Variants in TRIM33 observed in about 807,000 individuals in gnomAD.
TRIM33 encodes tripartite motif containing 33, also known as E3 ubiquitin-protein ligase TRIM33.
TRIM33 carries 20 observed loss-of-function variants against 125.4 expected under a neutral mutation model. The ratio of observed to expected loss-of-function variants is 0.16; its 90% CI spans 0.11 to 0.23. TRIM33 has a LOEUF of 0.23. Among genes scored for constraint, TRIM33 ranks in the 10% least tolerant of loss-of-function variants. The pLI is 1.00. For missense variants in TRIM33, 920 were observed against 1,411.4 expected, an observed-to-expected ratio of 0.65 and a Z score of 5.58; for synonymous variants, 564 against 513.9, an observed-to-expected ratio of 1.10 and a Z score of -1.32.
chr1:114,430,716 C>G, intron 6 of TRIM33, 82 bp downstream of exon 6: 1 of 809,986 alleles, frequency 1.2e-6, no homozygotes, highest in Non-Finnish European at 2.1e-6. Flanking sequence ...CCCAATCCAT[C>G]TAAAATAGTT....
intron 11 of TRIM33, among the ~76,000 whole-genome samples, chr1:114,413,628 TA>T (rs34538412): frequency 0.012 from 593 of 50,860 alleles, 7 homozygotes; most frequent in African/African-American, 0.03. Context: ...AGCAAAACTG[TA>T]AAAAAAAAAA....
chr1:114,496,076 T>C (rs1412449070), intron 1 of TRIM33, among the ~76,000 whole-genome samples: 2 of 152,230 alleles, frequency 1.3e-5, no homozygotes, highest in African/African-American at 4.8e-5. Context: ...AGTGCTCTTA[T>C]TACTTTCAAT....
rs1553220465 is a variant in TRIM33, at chr1:114,481,639, A to ATATGTGTGTG, written c.527-17252_527-17251insCACACACATA. On this transcript the variant is annotated intron_variant, in intron 1 of 19. Transcript: ENST00000358465. ...AAAAAAGAAAAAAAACTATATATAT[A>ATATGTGTGTG]TGTGTGTGTGTGTGTGTGTGTGTAT... 1.2e-3 allele frequency among the ~76,000 whole-genome samples: 174 copies of ATATGTGTGTG among 142,414 alleles called. 2 individuals carry two copies. Among genetic ancestry groups the ATATGTGTGTG allele is most frequent in the African/African-American group, 4.3e-3 (163 of 38,044 alleles). The allele number at this position is 142,414 out of a possible 152,430, so 93.4% of individuals were successfully genotyped here.
At chr1:114,422,535 T>G (rs1275831793) in intron 10 of TRIM33, among the ~76,000 whole-genome samples, 1 of 152,148 alleles carries the variant, frequency 6.6e-6, no homozygotes, top group Non-Finnish European at 1.5e-5. Flanking sequence ...TGCCATGCTC[T>G]GCTGGATCTC....
Position 114,437,483 on chromosome 1 carries a change from C to A in TRIM33, c.924-3750G>T, listed in dbSNP as rs114697577. On this transcript the variant is annotated intron_variant, in intron 4 of 19. Coordinates refer to ENST00000358465, the MANE Select transcript of TRIM33 (RefSeq NM_015906.4). The stretch of plus-strand genomic sequence containing the variant: ...CCTCCCGAGTACATAGGACTACAGG[C>A]ATGAGTCACGACACCCAGCTAATTT... Among the ~76,000 whole-genome samples, 1,038 of 152,242 alleles carry A rather than the reference C, an allele frequency of 6.8e-3. 13 individuals carry two copies. Among genetic ancestry groups the A allele is most frequent in the African/African-American group, 0.024 (981 of 41,524 alleles).
At chr1:114,407,596 A>G (rs1194115250) in intron 13 of TRIM33, among the ~76,000 whole-genome samples, 1 of 152,210 alleles carries the variant, frequency 6.6e-6, no homozygotes, top group African/African-American at 2.4e-5. Context: ...AAGCTTAAAA[A>G]AGACTGCTGT....
rs542022315 is a variant in TRIM33 at position 114,402,578 on chromosome 1, G to C, written c.2892+182C>G. Among the ~76,000 whole-genome samples, 22 of 152,102 alleles carry C rather than the reference G, an allele frequency of 1.4e-4. 1 individual carries two copies. The East Asian group carries it at 3.9e-3, about 27-fold the overall frequency. ...TTAAGTTTGAGGAATCTGGATAGAA[G>C]GGTCTGTAGTTCAGGGTTAGAGGAA... is the stretch of plus-strand genomic sequence containing the variant. On this transcript the variant is annotated intron_variant, in intron 16 of 19. Coordinates refer to ENST00000358465, the MANE Select transcript of TRIM33 (RefSeq NM_015906.4).
At chr1:114,426,509 T>TTA (rs1647593469) in intron 8 of TRIM33, among the ~76,000 whole-genome samples, 1 of 144,752 alleles carries the variant, frequency 6.9e-6, no homozygotes, top group Non-Finnish European at 1.5e-5. Flanking sequence ...AAAGATTACT[T>TTA]TTTTTTTTTT....
At chr1:114,476,297 G>A (rs538097183) in intron 1 of TRIM33, among the ~76,000 whole-genome samples, 4 of 149,866 alleles carry the variant, frequency 2.7e-5, no homozygotes, top group South Asian at 4.2e-4. Context: ...ACTTTACAAA[G>A]TGAAAGTAAA....
intron 10 of TRIM33, among the ~76,000 whole-genome samples, chr1:114,422,702 G>A (rs1475838326): frequency 1.3e-5 from 2 of 151,600 alleles, no homozygotes; most frequent in Middle Eastern, 6.3e-3. Flanking sequence ...AAATAACGAT[G>A]TTGGGTGTCT....
At chr1:114,450,869 A>G (rs1326534735) in intron 4 of TRIM33, among the ~76,000 whole-genome samples, 1 of 152,222 alleles carries the variant, frequency 6.6e-6, no homozygotes, top group Non-Finnish European at 1.5e-5. Context: ...CTACATTCTT[A>G]GATGAATTTC....
chr1:114,504,297 C>A (rs1459967500), intron 1 of TRIM33, among the ~76,000 whole-genome samples: 1 of 152,130 alleles, frequency 6.6e-6, no homozygotes, highest in African/African-American at 2.4e-5. Context: ...TCCTGAGTAG[C>A]TGCGACTACA....
chr1:114,422,649 G>GA lies in TRIM33; in HGVS notation c.1861-1014dup, dbSNP rs796601336. On this transcript the variant is annotated intron_variant, in intron 10 of 19. Coordinates refer to ENST00000358465, the MANE Select transcript of TRIM33 (RefSeq NM_015906.4). Reference sequence around the variant, plus strand: ...ATTCTAGGCACACTGCACCAGGAAGGAAAAAAAAAAAAACCTGTAGAAATA... The same window carrying GA: ...ATTCTAGGCACACTGCACCAGGAAGGAAAAAAAAAAAAAACCTGTAGAAATA... 8.6e-3 allele frequency among the ~76,000 whole-genome samples: 1,176 copies of GA among 137,448 alleles called. 10 individuals are homozygous for GA. The highest frequency in any genetic ancestry group is 0.026 in the African/African-American group (991 of 37,562). The allele number at this position is 137,448 out of a possible 152,430, so 90.2% of individuals were successfully genotyped here. A position where few individuals can be genotyped will look rare whatever the true frequency, so the allele number is the denominator to read the frequency against.
intron 7 of TRIM33, 127 bp downstream of exon 7, chr1:114,427,621 C>T: frequency 1.1e-6 from 1 of 950,780 alleles, no homozygotes; most frequent in Admixed American, 3.1e-5. Context: ...TGGAAGTTTT[C>T]TGTATCTTGA....
chr1:114,402,851 A>G lies in TRIM33; in HGVS notation c.2801T>C (p.Ile934Thr), dbSNP rs775905993. Residue 934 changes from isoleucine to threonine, a missense_variant, in exon 16 of 20, where the codon ATT (isoleucine) becomes ACT (threonine). By Grantham distance (89) the Ile-to-Thr change is moderately conservative (BLOSUM62 -1). Transcript: ENST00000358465. ...ATCATATTCAACTTCTGGCTTTCCA[A>G]TATCTCTACAAAATGTGCATATCCA... ...GDWICTFCRD[I>T]GKPEVEYDCD... is the part of the protein sequence containing the mutation. The G allele has an allele frequency of 2.0e-5, 32 of 1,613,954 alleles. No homozygotes were observed. Among genetic ancestry groups the G allele is most frequent in the Non-Finnish European group, 2.5e-5 (30 of 1,179,968 alleles).
rs146375578 is a variant in TRIM33 at position 114,495,038 on chromosome 1, C to T, written c.526+15513G>A. Among the ~76,000 whole-genome samples the T allele has an allele frequency of 6.8e-3, 1,037 of 152,182 alleles. 7 individuals are homozygous for T. Among genetic ancestry groups the T allele is most frequent in the African/African-American group, 0.015 (634 of 41,518 alleles). On this transcript the variant is annotated intron_variant, in intron 1 of 19. Coordinates refer to ENST00000358465, the MANE Select transcript of TRIM33 (RefSeq NM_015906.4). ...AAGCGATTATCGTGACTCAGCCTCCCGGGTAGCTGGGATTACAGGCATGTG... is the reference window on the plus strand; with the variant it reads ...AAGCGATTATCGTGACTCAGCCTCCTGGGTAGCTGGGATTACAGGCATGTG...
intron 4 of TRIM33, among the ~76,000 whole-genome samples, chr1:114,438,574 C>T (rs950145834): frequency 1.3e-5 from 2 of 152,210 alleles, no homozygotes; most frequent in African/African-American, 4.8e-5. Flanking sequence ...GGCTAAGTAT[C>T]TTAACATGCA....
At chr1:114,463,593 C>T in intron 2 of TRIM33, 37 bp from the exon 3 acceptor site, 2 of 1,205,272 alleles carry the variant, frequency 1.7e-6, no homozygotes, top group South Asian at 1.4e-5. Flanking sequence ...AAATTAAATA[C>T]ATAAAATCTA....
chr1:114,442,211 T>A (rs1040525603), intron 4 of TRIM33, among the ~76,000 whole-genome samples: 1 of 152,166 alleles, frequency 6.6e-6, no homozygotes, highest in African/African-American at 2.4e-5. Flanking sequence ...TGAAGTTCAA[T>A]AAACAAACCA....
Sources: gnomAD v4.1 joint callset for allele counts (sites outside exome capture counted in the v4.1 genomes callset) on GRCh38, gnomAD v4.1.1 for gene constraint, MANE v1.5 for transcripts, NCBI Gene and HGNC (gene_info 2026-07-23, HGNC 2026-07-21) for gene names.